HIBCH: variants seen among roughly 807,000 people sequenced by gnomAD.
The protein encoded by HIBCH is 3-hydroxyisobutyryl-CoA hydrolase.
In HIBCH, 50 loss-of-function variants were observed where a neutral mutation model predicts 58.2. The observed-to-expected ratio is 0.86, with a 90% confidence interval of 0.68 to 1.09. The LOEUF (loss-of-function observed/expected upper bound fraction) is 1.09, where lower values mean the gene tolerates loss of function less well. Ranked by LOEUF, HIBCH falls within the 50% of genes least tolerant of loss-of-function variation. The pLI is 0.00. For missense variants in HIBCH, 450 were observed against 449.7 expected, an observed-to-expected ratio of 1.00 and a Z score of -0.01; for synonymous variants, 151 against 146.9, an observed-to-expected ratio of 1.03 and a Z score of -0.20.
chr2:190,282,062 G>A (rs1157926008), intron 6 of HIBCH, among the ~76,000 whole-genome samples: 3 of 152,184 alleles, frequency 2.0e-5, no homozygotes, highest in Non-Finnish European at 2.9e-5. Context: ...CTTCTTCTGA[G>A]CCCTCACCAG....
At chr2:190,275,412 GA>G (rs1242527486) in intron 6 of HIBCH, among the ~76,000 whole-genome samples, 3 of 152,076 alleles carry the variant, frequency 2.0e-5, no homozygotes, top group Non-Finnish European at 4.4e-5. Context: ...GCATTATTAT[GA>G]AAAAACTATG....
chr2:190,192,452 C>CTCTG (rs1553490004), intron 1 of HIBCH, among the ~76,000 whole-genome samples: 1 of 145,258 alleles, frequency 6.9e-6, no homozygotes, highest in South Asian at 2.2e-4. Context: ...AATTCAGAAT[C>CTCTG]TGTGTGTGTG....
At chr2:190,266,383 T>C (rs1687236450) in intron 6 of HIBCH, among the ~76,000 whole-genome samples, 1 of 152,216 alleles carries the variant, frequency 6.6e-6, no homozygotes, top group South Asian at 2.1e-4. Context: ...ATGATTGTGG[T>C]TCTATTTCCA....
At chr2:190,261,530 G>A (rs971651268) in intron 6 of HIBCH, among the ~76,000 whole-genome samples, 2 of 151,814 alleles carry the variant, frequency 1.3e-5, no homozygotes. Flanking sequence ...CATTTGGTAA[G>A]TAACCTACGA....
At chr2:190,234,829 G>A (rs1457270747) in intron 11 of HIBCH, among the ~76,000 whole-genome samples, 1 of 150,414 alleles carries the variant, frequency 6.6e-6, no homozygotes, top group African/African-American at 2.5e-5. Context: ...GACAGAGCAA[G>A]ACTCTAAAAA....
rs291416 is a variant in HIBCH at position 190,261,071 on chromosome 2, A to C, written c.517+85T>G. 1.2e-4 allele frequency: 120 copies of C among 973,708 alleles called. No homozygotes were observed. In the East Asian group the frequency reaches 2.4e-3, roughly 20 times the overall value. 60.3% of individuals were successfully genotyped at this position (973,708 alleles called of 1,614,324 possible). ...GTTGCATCTCACACAAGAGTCCATC[A>C]ATTCCTTCAACAACAGTAAACTCTG... On this transcript the variant is annotated intron_variant, in intron 7 of 13. Coordinates refer to ENST00000359678, the MANE Select transcript of HIBCH (RefSeq NM_014362.4).
intron 11 of HIBCH, among the ~76,000 whole-genome samples, chr2:190,239,988 T>C (rs576490780): frequency 9.5e-4 from 144 of 152,306 alleles, no homozygotes; most frequent in Admixed American, 2.2e-3. Flanking sequence ...TGCCAGGTTT[T>C]GGTATCAGGA....
intron 1 of HIBCH, among the ~76,000 whole-genome samples, chr2:190,192,259 A>G (rs1340412523): frequency 6.6e-6 from 1 of 151,986 alleles, no homozygotes; most frequent in Non-Finnish European, 1.5e-5. Flanking sequence ...TCAGTTTACC[A>G]TATTTTTATG....
intron 6 of HIBCH, among the ~76,000 whole-genome samples, chr2:190,280,445 T>C (rs897844902): frequency 7.9e-5 from 12 of 152,116 alleles, no homozygotes; most frequent in African/African-American, 2.2e-4. Flanking sequence ...CTCCCTAAAA[T>C]AACTGGTCGC....
intron 11 of HIBCH, among the ~76,000 whole-genome samples, chr2:190,227,694 A>C (rs1042725291): frequency 6.6e-6 from 1 of 152,218 alleles, no homozygotes; most frequent in Non-Finnish European, 1.5e-5. Context: ...CAAAGAACCT[A>C]AACAAATTTA....
At chr2:190,286,980 A>C (rs1687845095) in intron 6 of HIBCH, among the ~76,000 whole-genome samples, 1 of 151,886 alleles carries the variant, frequency 6.6e-6, no homozygotes, top group African/African-American at 2.4e-5. Context: ...ATCAGTTTCC[A>C]TTGCTTAAAA....
At chr2:190,223,537 C>T (rs1016172166) in intron 11 of HIBCH, among the ~76,000 whole-genome samples, 3 of 152,142 alleles carry the variant, frequency 2.0e-5, no homozygotes, top group Admixed American at 2.0e-4. Context: ...GATTTGTTTA[C>T]AAAAGCTTTC....
chr2:190,263,593 A>C (rs1468254794), intron 6 of HIBCH, among the ~76,000 whole-genome samples: 2 of 152,170 alleles, frequency 1.3e-5, no homozygotes, highest in African/African-American at 4.8e-5. Flanking sequence ...AAACACTAAT[A>C]AATTATTTCC....
At chr2:190,262,433 C>A (rs1479467657) in intron 6 of HIBCH, among the ~76,000 whole-genome samples, 2 of 152,146 alleles carry the variant, frequency 1.3e-5, no homozygotes, top group African/African-American at 4.8e-5. Context: ...AATGTCTCTT[C>A]ACCACATTTT....
At chr2:190,200,064 T>TA (rs895787231), downstream of HIBCH, 1 of 1,614,000 alleles carries the variant, frequency 6.2e-7, no homozygotes, top group Non-Finnish European at 8.5e-7. Context: ...TGTCTCAGGA[T>TA]ATCTTGTGTG....
intron 2 of HIBCH, among the ~76,000 whole-genome samples, chr2:190,305,478 C>T (rs1353564890): frequency 6.6e-6 from 1 of 152,124 alleles, no homozygotes; most frequent in African/African-American, 2.4e-5. Flanking sequence ...TGACTATCTG[C>T]AAATTTCCCT....
intron 2 of HIBCH, among the ~76,000 whole-genome samples, chr2:190,301,690 CAG>C (rs1688266540): frequency 6.6e-6 from 1 of 152,160 alleles, no homozygotes; most frequent in South Asian, 2.1e-4. Context: ...TTATAAAGAA[CAG>C]AAATTTATTT....
chr2:190,286,698 C>T (rs1687835371), intron 6 of HIBCH, among the ~76,000 whole-genome samples: 2 of 152,102 alleles, frequency 1.3e-5, no homozygotes, highest in Admixed American at 1.3e-4. Context: ...TTAATCAATG[C>T]CAGTTACATT....
rs1384768155 is a variant in HIBCH, at chr2:190,243,488, A to G, written c.891+1399T>C. On this transcript the variant is annotated intron_variant, in intron 11 of 13. Coordinates refer to ENST00000359678, the MANE Select transcript of HIBCH (RefSeq NM_014362.4). The surrounding 1 kb of genome is among the most constrained non-coding windows in gnomAD (Gnocchi z 4.1). ...ACCAACTTAAAGTCGGATTCCTTGA[A>G]TTATAAAATGACTATTGATGTAAAC... is the stretch of plus-strand genomic sequence containing the variant. 1.3e-5 allele frequency among the ~76,000 whole-genome samples: 2 copies of G among 152,210 alleles called. No homozygotes were observed. Among genetic ancestry groups the G allele is most frequent in the Non-Finnish European group, 2.9e-5 (2 of 68,038 alleles).
Sources: allele counts gnomAD v4.1 joint callset (sites outside exome capture counted in the v4.1 genomes callset), GRCh38; gene constraint gnomAD v4.1.1; non-coding constraint Gnocchi (gnomAD v3.1); transcripts MANE v1.5; gene names NCBI Gene and HGNC (gene_info 2026-07-23, HGNC 2026-07-21).